Variants in SHANK2 observed in about 807,000 individuals in gnomAD.
The protein encoded by SHANK2 is SH3 and multiple ankyrin repeat domains protein 2.
In SHANK2, 43 loss-of-function variants were observed where a neutral mutation model predicts 133.7. The observed-to-expected ratio is 0.32, with a 90% CI of 0.25 to 0.41. The LOEUF (loss-of-function observed/expected upper bound fraction) is 0.41. SHANK2 is among the 10% of genes least tolerant of loss of function. The probability of loss-of-function intolerance (pLI) is 1.00; values close to 1 mark genes in which losing one functional copy is unlikely to be tolerated. For missense variants in SHANK2, 1,994 were observed against 2,235.8 expected (o/e 0.89, Z 2.18); for synonymous variants, 1,017 against 952.8 (o/e 1.07, Z -1.24).
At chr11:70,808,276 A>G (rs1220959808) in intron 12 of SHANK2, among the ~76,000 whole-genome samples, 2 of 152,038 alleles carry the variant, frequency 1.3e-5, no homozygotes, top group African/African-American at 4.8e-5. Context: ...ATCTCGGCTC[A>G]CTGCAACCTC....
At chr11:71,102,039 C>T (rs1245369798) in intron 6 of SHANK2, among the ~76,000 whole-genome samples, 4 of 152,172 alleles carry the variant, frequency 2.6e-5, no homozygotes, top group Admixed American at 1.3e-4. Flanking sequence ...CTAAAAGAGT[C>T]GAAAGGCATT....
chr11:71,070,121 C>T (rs1417241080), intron 9 of SHANK2, among the ~76,000 whole-genome samples: 2 of 152,326 alleles, frequency 1.3e-5, no homozygotes, highest in Middle Eastern at 3.4e-3. Flanking sequence ...TGGTCACTTA[C>T]TGGCACCTGG....
At position 70,930,659 on chromosome 11, in the gene SHANK2, C is replaced by CTTTTTTTTTTTTTTTTT. The variant is rs367913415; in HGVS notation, c.1108-34093_1108-34092insAAAAAAAAAAAAAAAAA. 6.1e-5 allele frequency among the ~76,000 whole-genome samples: 7 copies of CTTTTTTTTTTTTTTTTT among 114,192 alleles called. 2 individuals are homozygous for CTTTTTTTTTTTTTTTTT. Among genetic ancestry groups the CTTTTTTTTTTTTTTTTT allele is most frequent in the South Asian group, 3.0e-4 (1 of 3,322 alleles). The allele number at this position is 114,192 out of a possible 152,430, so 74.9% of individuals were successfully genotyped here. ...TTTTCTCTTGTTTTTATTTCTTTGTCTTTTTTTTTTCTTTTTTTTTTTGAG... is the reference window on the plus strand; with the variant it reads ...TTTTCTCTTGTTTTTATTTCTTTGTCTTTTTTTTTTTTTTTTTTTTTTTTTTTCTTTTTTTTTTTGAG... On this transcript the variant is annotated intron_variant, in intron 10 of 25. Transcript: ENST00000601538.
chr11:71,058,735 C>T (rs926111240), intron 9 of SHANK2, among the ~76,000 whole-genome samples: 1 of 152,196 alleles, frequency 6.6e-6, no homozygotes, highest in Non-Finnish European at 1.5e-5. Flanking sequence ...ACCACCTGGA[C>T]TCAACACTGC....
intron 15 of SHANK2, among the ~76,000 whole-genome samples, chr11:70,682,375 T>G (rs1945047747): frequency 6.6e-6 from 1 of 152,086 alleles, no homozygotes; most frequent in Admixed American, 6.5e-5. Flanking sequence ...CACAAATACA[T>G]GAGAGGAGGA....
chr11:70,925,902 T>A (rs960773863), intron 10 of SHANK2, among the ~76,000 whole-genome samples: 1 of 152,204 alleles, frequency 6.6e-6, no homozygotes, highest in Non-Finnish European at 1.5e-5. Flanking sequence ...CACACCTTCA[T>A]CAACCCATCA....
chr11:70,793,795 TATC>T (rs1157393406), intron 14 of SHANK2, among the ~76,000 whole-genome samples: 1 of 152,324 alleles, frequency 6.6e-6, no homozygotes, highest in South Asian at 2.1e-4. Context: ...ATGAAAATGT[TATC>T]ATACAACCCA....
chr11:70,775,866 G>T (rs1477763951), intron 14 of SHANK2, among the ~76,000 whole-genome samples: 1 of 152,220 alleles, frequency 6.6e-6, no homozygotes, highest in African/African-American at 2.4e-5. Flanking sequence ...CATAATCCCC[G>T]AATCTGTTTC....
At chr11:70,910,130 T>A (rs1191912890) in intron 10 of SHANK2, among the ~76,000 whole-genome samples, 1 of 152,162 alleles carries the variant, frequency 6.6e-6, no homozygotes, top group African/African-American at 2.4e-5. Flanking sequence ...CCTAGTGACC[T>A]CAATTTAACT....
At chr11:70,808,017 G>A (rs1262842034) in intron 12 of SHANK2, among the ~76,000 whole-genome samples, 1 of 152,096 alleles carries the variant, frequency 6.6e-6, no homozygotes, top group Non-Finnish European at 1.5e-5. Flanking sequence ...TGGAGAGAAT[G>A]GGGAGTGAGG....
At chr11:70,813,551 T>C (rs1948321263) in intron 12 of SHANK2, among the ~76,000 whole-genome samples, 1 of 152,022 alleles carries the variant, frequency 6.6e-6, no homozygotes, top group African/African-American at 2.4e-5. Context: ...GCCTGGGACC[T>C]ACTCAAGGTG....
chr11:70,572,229 G>A (rs1335754753), intron 17 of SHANK2, among the ~76,000 whole-genome samples: 4 of 152,174 alleles, frequency 2.6e-5, no homozygotes, highest in East Asian at 1.9e-4. Flanking sequence ...GCACGATCTC[G>A]GCTCACTGCA....
Position 70,847,937 on chromosome 11 carries a change from C to T in SHANK2, c.1175-27255G>A, listed in dbSNP as rs534524264. 2.0e-4 allele frequency among the ~76,000 whole-genome samples: 31 copies of T among 152,304 alleles called. No individual in the cohort carries two copies. The South Asian group carries it at 6.2e-3, about 31-fold the overall frequency. On this transcript the variant is annotated intron_variant, in intron 11 of 25. Coordinates refer to ENST00000601538, the MANE Select transcript of SHANK2 (RefSeq NM_012309.5). ...TCCCAGGCTTCACGGCTACAGGAGA[C>T]CTGGGGAGCCCAGGGCTGCTGAGGT... is the stretch of plus-strand genomic sequence containing the variant.
intron 15 of SHANK2, chr11:70,662,049 G>A (rs1162757044): frequency 2.2e-5 from 11 of 505,008 alleles, no homozygotes; most frequent in South Asian, 8.1e-5. Context: ...CGGCGGCGGC[G>A]GCAGCGGCGG....
chr11:70,933,127 A>C, intron 10 of SHANK2: 1 of 456,652 alleles, frequency 2.2e-6, no homozygotes, highest in Non-Finnish European at 4.4e-6. Flanking sequence ...GTCCACCGGC[A>C]GATAAATGGA....
At chr11:70,907,498 T>A (rs569997427) in intron 10 of SHANK2, 1 of 172,634 alleles carries the variant, frequency 5.8e-6, no homozygotes, top group East Asian at 1.8e-4. Flanking sequence ...AGAATAAGAA[T>A]AAAAGTATGA....
At chr11:70,552,750 A>T (rs1176941512) in intron 17 of SHANK2, among the ~76,000 whole-genome samples, 1 of 152,138 alleles carries the variant, frequency 6.6e-6, no homozygotes, top group South Asian at 2.1e-4. Flanking sequence ...GTCCAGCTGC[A>T]TCGGGACGTT....
At chr11:70,636,983 T>C (rs1375229425) in intron 17 of SHANK2, among the ~76,000 whole-genome samples, 5 of 95,468 alleles carry the variant, frequency 5.2e-5, no homozygotes, top group Admixed American at 9.5e-5. Context: ...GGAATTTTTC[T>C]CTCAGTCTGG....
At chr11:71,146,538 T>A (rs1213514744) in intron 3 of SHANK2, among the ~76,000 whole-genome samples, 1 of 152,174 alleles carries the variant, frequency 6.6e-6, no homozygotes, top group Non-Finnish European at 1.5e-5. Flanking sequence ...ACAGCCAGCG[T>A]GGGCCAGGGC....
Sources: allele counts gnomAD v4.1 joint callset (sites outside exome capture counted in the v4.1 genomes callset), GRCh38; gene constraint gnomAD v4.1.1; transcripts MANE v1.5; gene names NCBI Gene and HGNC (gene_info 2026-07-23, HGNC 2026-07-21).